The following CCDC158 variants were observed in gnomAD, a reference collection of about 807,000 sequenced individuals.
CCDC158 encodes the protein coiled-coil domain containing 158.
Under a neutral mutation model 138.6 loss-of-function variants are expected in CCDC158, and 116 were observed. The ratio of observed to expected loss-of-function variants is 0.84; its 90% CI spans 0.72 to 0.98. The LOEUF (loss-of-function observed/expected upper bound fraction) is 0.98, where lower values mean the gene tolerates loss of function less well. Ranked by LOEUF, CCDC158 falls within the 50% of genes least tolerant of loss-of-function variation. The pLI is 0.00. For missense variants in CCDC158, 1,265 were observed against 1,306.1 expected (o/e 0.97, Z 0.48); for synonymous variants, 436 against 442.4 (o/e 0.99, Z 0.18).
intron 23 of CCDC158, among the ~76,000 whole-genome samples, chr4:76,325,274 G>A (rs1328263492): frequency 6.6e-6 from 1 of 152,122 alleles, no homozygotes; most frequent in South Asian, 2.1e-4. Context: ...TCTTACAAAA[G>A]GGAATGATGT....
chr4:76,366,634 CACAA>C lies in CCDC158; in HGVS notation c.1830+656_1830+659del, dbSNP rs978377063. On this transcript the variant is annotated intron_variant, in intron 12 of 24. Coordinates refer to ENST00000682701, the MANE Select transcript of CCDC158 (RefSeq NM_001394954.1). ...GGAGACACTGCTACATAAACACACA[CACAA>C]ACACACACACACACACACACGGCAA... 4.0e-4 allele frequency among the ~76,000 whole-genome samples: 60 copies of C among 148,356 alleles called. 1 individual carries two copies. Among genetic ancestry groups the C allele is most frequent in the African/African-American group, 1.3e-3 (49 of 38,406 alleles).
chr4:76,352,544 T>A (rs1323792530), intron 16 of CCDC158: 1 of 152,230 alleles, frequency 6.6e-6, no homozygotes, highest in African/African-American at 2.4e-5. Context: ...AAGGCACTGT[T>A]TTCTTAGCAA....
At chr4:76,376,539 A>C (rs972732844) in intron 9 of CCDC158, among the ~76,000 whole-genome samples, 1 of 151,562 alleles carries the variant, frequency 6.6e-6, no homozygotes, top group African/African-American at 2.5e-5. Flanking sequence ...AATAAAGCAG[A>C]ATAATTTGTG....
intron 20 of CCDC158, 37 bp from the exon 21 acceptor site, chr4:76,331,440 T>C: frequency 6.4e-7 from 1 of 1,556,740 alleles, no homozygotes; most frequent in Non-Finnish European, 8.9e-7. Context: ...ACAGTTTAAA[T>C]AATGTTATTT....
chr4:76,404,720 A>G (rs1373788158), intron 2 of CCDC158, among the ~76,000 whole-genome samples: 4 of 152,138 alleles, frequency 2.6e-5, no homozygotes, highest in Non-Finnish European at 5.9e-5. Context: ...TAAAAAATAA[A>G]ATAAAGAAGT....
Position 76,383,667 on chromosome 4 carries a change from T to C in CCDC158, c.798A>G (p.Gln266=). The change falls in exon 7 of 25, where the codon CAA becomes CAG. Residue 266 remains glutamine, a synonymous_variant. Coordinates refer to ENST00000682701, the MANE Select transcript of CCDC158 (RefSeq NM_001394954.1). ...TACCTCAGTCAGAAACCTACCTATC[T>C]TGGTGTTGTTGCAGAAGTAGTTCTA... is the stretch of plus-strand genomic sequence containing the variant. ...NKIELLLQQH[Q]DRIEQLISEH... 1 of 1,611,056 alleles carries C rather than the reference T, an allele frequency of 6.2e-7. No homozygotes were observed. The highest frequency in any genetic ancestry group is 1.1e-5 in the South Asian group (1 of 90,992).
chr4:76,367,052 A>T (rs1724740721), intron 12 of CCDC158, among the ~76,000 whole-genome samples: 1 of 152,128 alleles, frequency 6.6e-6, no homozygotes, highest in Admixed American at 6.5e-5. Flanking sequence ...AAGACTTCAT[A>T]GATTTTCTGA....
intron 2 of CCDC158, among the ~76,000 whole-genome samples, chr4:76,409,831 A>T (rs891550719): frequency 1.3e-5 from 2 of 152,086 alleles, no homozygotes; most frequent in African/African-American, 4.8e-5. Context: ...ACTGTCTCAA[A>T]AAATAAATAA....
At chr4:76,421,327 G>C (rs1730113228), upstream of CCDC158, among the ~76,000 whole-genome samples, 1 of 151,948 alleles carries the variant, frequency 6.6e-6, no homozygotes, top group Non-Finnish European at 1.5e-5. Flanking sequence ...GGACGCCGTC[G>C]CTGGGGCATC....
chr4:76,332,588 CT>C, intron 19 of CCDC158, 97 bp from the exon 20 acceptor site: 1 of 929,770 alleles, frequency 1.1e-6, no homozygotes, highest in Non-Finnish European at 1.6e-6. Flanking sequence ...TTCAATTTTT[CT>C]TTTAGTGACA....
At chr4:76,368,841 C>T (rs758080543) in intron 11 of CCDC158, among the ~76,000 whole-genome samples, 4 of 152,146 alleles carry the variant, frequency 2.6e-5, no homozygotes, top group East Asian at 1.9e-4. Flanking sequence ...TTTAGGTAAA[C>T]GTGAAAAGGC....
chr4:76,345,250 C>G (rs1722431311), intron 18 of CCDC158: 1 of 939,134 alleles, frequency 1.1e-6, no homozygotes, highest in Non-Finnish European at 1.8e-6. Context: ...CTGAAGCTAA[C>G]AGAGCTCCAA....
At chr4:76,404,995 T>C (rs764193083) in intron 2 of CCDC158, among the ~76,000 whole-genome samples, 4 of 152,128 alleles carry the variant, frequency 2.6e-5, no homozygotes, top group Non-Finnish European at 4.4e-5. Flanking sequence ...TTTAAAACTA[T>C]AATCCAAGAA....
chr4:76,406,085 G>A (rs1728801414), intron 2 of CCDC158, among the ~76,000 whole-genome samples: 1 of 152,168 alleles, frequency 6.6e-6, no homozygotes, highest in South Asian at 2.1e-4. Flanking sequence ...ACCCTGCTAT[G>A]TACAAAAAAG....
intron 22 of CCDC158, among the ~76,000 whole-genome samples, chr4:76,328,632 G>T (rs1382377860): frequency 6.6e-6 from 1 of 152,188 alleles, no homozygotes; most frequent in South Asian, 2.1e-4. Context: ...CACTGGGAAA[G>T]TGACACCTGG....
Position 76,379,068 on chromosome 4 carries a change from T to C in CCDC158, c.1029+222A>G, listed in dbSNP as rs908651301. ...GCATTTTTTAGAAACTCACTTGAAC[T>C]ATGCAAAAAATTTTGCTAAGAATGA... On this transcript the variant is annotated intron_variant, in intron 9 of 24. Coordinates refer to ENST00000682701, the MANE Select transcript of CCDC158 (RefSeq NM_001394954.1). Among the ~76,000 whole-genome samples, 17 of 151,696 alleles carry C rather than the reference T, an allele frequency of 1.1e-4. No individual in the cohort carries two copies. In the South Asian group the frequency reaches 2.9e-3, roughly 26 times the overall value.
chr4:76,349,649 CAG>C (rs2110165061), intron 18 of CCDC158, among the ~76,000 whole-genome samples: 1 of 152,268 alleles, frequency 6.6e-6, no homozygotes, highest in South Asian at 2.1e-4. Flanking sequence ...GCCTCAGTGA[CAG>C]AGCAAGACTC....
chr4:76,419,852 A>T (rs924165783), intron 1 of CCDC158, among the ~76,000 whole-genome samples: 1 of 150,234 alleles, frequency 6.7e-6, no homozygotes, highest in Admixed American at 6.7e-5. Context: ...TCAGCCTACC[A>T]TATAATTTGG....
chr4:76,388,456 C>A (rs780761311), intron 4 of CCDC158, among the ~76,000 whole-genome samples: 35 of 152,148 alleles, frequency 2.3e-4, no homozygotes, highest in Non-Finnish European at 4.3e-4. Context: ...CTGGCAGAAA[C>A]CCCATGGACT....
Sources: gnomAD v4.1 joint callset for allele counts (sites outside exome capture counted in the v4.1 genomes callset) on GRCh38, gnomAD v4.1.1 for gene constraint, MANE v1.5 for transcripts, NCBI Gene and HGNC (gene_info 2026-07-23, HGNC 2026-07-21) for gene names.